Variants in TRA2A observed in about 807,000 individuals in gnomAD.
TRA2A encodes the protein transformer 2 alpha homolog, also known as transformer-2 protein homolog alpha.
A neutral mutation model predicts 45.7 loss-of-function variants in TRA2A; 31 were observed. The ratio of observed to expected loss-of-function variants is 0.68; its 90% CI spans 0.51 to 0.92. TRA2A has a LOEUF of 0.92. Among genes scored for constraint, TRA2A ranks in the 40% least tolerant of loss-of-function variants. The pLI is 0.00. For synonymous variants in TRA2A, 132 were observed against 126.2 expected (o/e 1.05, Z -0.31); for missense variants, 304 against 367.5 (o/e 0.83, Z 1.41).
At position 23,512,941 on chromosome 7, in the gene TRA2A, G is replaced by T; in HGVS notation, c.478C>A (p.Arg160=). 6.2e-7 allele frequency: 1 copy of T among 1,613,170 alleles called. No homozygotes were observed. The highest frequency in any genetic ancestry group is 8.5e-7 in the Non-Finnish European group (1 of 1,179,806). The part of the protein sequence containing the change: ...VVYDQRTGRS[R]GFAFVYFERI... ...TCAAAATACACAAAAGCAAATCCTC[G>T]AGATCGCCCAGTTCGCTGATCATAA... The change falls in exon 4 of 8, where the codon CGA becomes AGA. Residue 160 remains arginine (R), a synonymous_variant. Transcript: ENST00000297071.
At chr7:23,525,823 T>C (rs966034991) in intron 1 of TRA2A, among the ~76,000 whole-genome samples, 5 of 152,202 alleles carry the variant, frequency 3.3e-5, no homozygotes, top group African/African-American at 1.2e-4. Flanking sequence ...CTCGAACTCC[T>C]GACCTCAAGT....
At chr7:23,516,229 T>TAA in intron 3 of TRA2A, 134 bp downstream of exon 3, 2 of 783,604 alleles carry the variant, frequency 2.6e-6, no homozygotes, top group Non-Finnish European at 4.0e-6. Context: ...CTTTGAAAGC[T>TAA]AAAGCAGCTT....
intron 1 of TRA2A, among the ~76,000 whole-genome samples, chr7:23,524,088 A>G (rs1014878166): frequency 1.3e-5 from 2 of 152,264 alleles, no homozygotes; most frequent in African/African-American, 4.8e-5. Context: ...AGTAAACAAG[A>G]TAATTCAGTA....
intron 1 of TRA2A, among the ~76,000 whole-genome samples, chr7:23,523,377 G>C (rs939832230): frequency 1.1e-4 from 16 of 151,982 alleles, no homozygotes; most frequent in African/African-American, 3.9e-4. Context: ...ACAGATATGA[G>C]GCACTTATGA....
intron 1 of TRA2A, among the ~76,000 whole-genome samples, chr7:23,528,241 C>T (rs1019826533): frequency 1.3e-5 from 2 of 152,090 alleles, no homozygotes; most frequent in African/African-American, 2.4e-5. Flanking sequence ...AGACGAGTCT[C>T]GCTCTATTGC....
At chr7:23,512,769 T>A (rs1204947825) in intron 4 of TRA2A, 125 bp downstream of exon 4, 6 of 843,864 alleles carry the variant, frequency 7.1e-6, no homozygotes, top group African/African-American at 1.8e-5. Flanking sequence ...CAAGATCCTA[T>A]CTTTAAAAAA....
At chr7:23,514,714 G>C (rs1584121137) in intron 3 of TRA2A, among the ~76,000 whole-genome samples, 2 of 151,960 alleles carry the variant, frequency 1.3e-5, no homozygotes. Context: ...TCCCATCTCA[G>C]CCTCCCAAGT....
intron 1 of TRA2A, among the ~76,000 whole-genome samples, chr7:23,526,013 A>G (rs1399590973): frequency 1.3e-5 from 2 of 152,230 alleles, no homozygotes; most frequent in Non-Finnish European, 2.9e-5. Flanking sequence ...AGTGTAACCA[A>G]TACAAGCTGG....
Position 23,513,058 on chromosome 7 carries a change from G to A in TRA2A, c.361C>T (p.Leu121Phe). The change falls in exon 4 of 8, where the codon CTT (leucine) becomes TTT (phenylalanine). Residue 121 changes from leucine to phenylalanine, a missense_variant. Physicochemically the swap from Leu to Phe is conservative, Grantham distance 22 (BLOSUM62 0). Transcript: ENST00000297071. Reference sequence around the variant, plus strand: ...TACAAACTGAGGCCAAACACTCCAAGGCAAGTGTTGGGATCTGGATTTGCC... The same window carrying A: ...TACAAACTGAGGCCAAACACTCCAAAGCAAGTGTTGGGATCTGGATTTGCC... ...SRANPDPNTC[L>F]GVFGLSLYTT... The A allele has an allele frequency of 1.2e-6, 2 of 1,605,774 alleles. No individual in the cohort carries two copies. The highest frequency in any genetic ancestry group is 1.7e-6 in the Non-Finnish European group (2 of 1,176,936).
At chr7:23,514,619 G>C (rs1789774813) in intron 3 of TRA2A, among the ~76,000 whole-genome samples, 1 of 151,384 alleles carries the variant, frequency 6.6e-6, no homozygotes, top group African/African-American at 2.4e-5. Flanking sequence ...TTCTGAGACA[G>C]GGCCTCACTC....
At chr7:23,516,062 T>C (rs1457270297) in intron 3 of TRA2A, among the ~76,000 whole-genome samples, 1 of 151,868 alleles carries the variant, frequency 6.6e-6, no homozygotes, top group Non-Finnish European at 1.5e-5. Context: ...ACCCCAGCTA[T>C]TCAGGAGGCT....
rs1168761481 is a variant in TRA2A at position 23,507,494 on chromosome 7, T to A, written c.567A>T (p.Arg189Ser). 1.2e-6 allele frequency: 2 copies of A among 1,614,188 alleles called. No individual in the cohort carries two copies. Among genetic ancestry groups the A allele is most frequent in the Non-Finnish European group, 8.5e-7 (1 of 1,180,046 alleles). ...TGGTTATAGAATAATCCACCCGAAT[T>A]CTTCTACCATCCAGCTCCATTCCAT... is the stretch of plus-strand genomic sequence containing the variant. ...RANGMELDGRRIRVDYSITKR... is the reference protein window; with the variant it reads ...RANGMELDGRSIRVDYSITKR... The change falls in exon 5 of 8, where the codon AGA becomes AGT. Residue 189 changes from arginine (R) to serine (S), a missense_variant. Physicochemically the swap from Arg to Ser is moderately radical, Grantham distance 110. Around this residue, in one of 3 missense-constraint regions of TRA2A, gnomAD observed 130 missense variants for 217.1 expected, o/e 0.60. Transcript: ENST00000297071.
chr7:23,527,416 T>C (rs547561648), intron 1 of TRA2A, among the ~76,000 whole-genome samples: 2 of 152,344 alleles, frequency 1.3e-5, no homozygotes, highest in Non-Finnish European at 2.9e-5. Flanking sequence ...CATGCCTGTC[T>C]TGCTAAATTT....
At chr7:23,517,378 C>T (rs553282074) in intron 2 of TRA2A, among the ~76,000 whole-genome samples, 1 of 144,584 alleles carries the variant, frequency 6.9e-6, no homozygotes, top group African/African-American at 2.6e-5. Flanking sequence ...ACTTGGGAGG[C>T]TGAGGCAGGA....
rs757311590 is a variant in TRA2A, at chr7:23,516,541, T to G, written c.171-13A>C. On this transcript the variant is annotated splice_polypyrimidine_tract_variant and intron_variant, in intron 2 of 7. Transcript: ENST00000297071. ...CCTTGACCTCGACCTTTGAGAGAAATACATTTAGGTAAAAATACTGAAACA... is the reference window on the plus strand; with the variant it reads ...CCTTGACCTCGACCTTTGAGAGAAAGACATTTAGGTAAAAATACTGAAACA... The G allele has an allele frequency of 5.6e-6, 9 of 1,612,928 alleles. No individual in the cohort carries two copies. The highest frequency in any genetic ancestry group is 7.6e-6 in the Non-Finnish European group (9 of 1,179,244).
intron 1 of TRA2A, chr7:23,522,468 C>T (rs1247515437): frequency 6.7e-6 from 7 of 1,047,496 alleles, no homozygotes; most frequent in Non-Finnish European, 6.1e-6. Flanking sequence ...TATTTAAGCA[C>T]GTGGGGATTA....
intron 2 of TRA2A, among the ~76,000 whole-genome samples, chr7:23,517,886 TG>T (rs1789959045): frequency 6.7e-6 from 1 of 150,006 alleles, no homozygotes; most frequent in South Asian, 2.2e-4. Flanking sequence ...CACTCCAGCC[TG>T]GGAACAAGCA....
At position 23,505,384 on chromosome 7, in the gene TRA2A, T is replaced by G. The variant is rs1165315313; in HGVS notation, c.*175A>C. On this transcript the variant is annotated 3_prime_UTR_variant, in exon 8 of 8. Coordinates refer to ENST00000297071, the MANE Select transcript of TRA2A (RefSeq NM_013293.5). ...TGACAACAATTACATCTTTTAAGAG[T>G]ATAATAAAATGGGTGGAAAACAGCA... The G allele has an allele frequency of 2.2e-6, 1 of 458,364 alleles. No homozygotes were observed. Among genetic ancestry groups the G allele is most frequent in the Non-Finnish European group, 3.8e-6 (1 of 260,444 alleles). 28.4% of individuals were successfully genotyped at this position (458,364 alleles called of 1,614,324 possible).
Position 23,525,113 on chromosome 7 carries a change from A to G in TRA2A, c.37-3273T>C, listed in dbSNP as rs141667784. On this transcript the variant is annotated intron_variant, in intron 1 of 7. Transcript: ENST00000297071. ...TTTAGAAATAAAGTAACATTTCTCA[A>G]AAGCTGTTACCAAATAAATGTCACT... is the stretch of plus-strand genomic sequence containing the variant. Among the ~76,000 whole-genome samples, 797 of 152,346 alleles carry G rather than the reference A, an allele frequency of 5.2e-3. 4 individuals carry two copies. Among genetic ancestry groups the G allele is most frequent in the African/African-American group, 0.018 (754 of 41,588 alleles).
Sources: allele counts gnomAD v4.1 joint callset (sites outside exome capture counted in the v4.1 genomes callset), GRCh38; gene constraint gnomAD v4.1.1; regional missense constraint gnomAD v4.1.1; transcripts MANE v1.5; gene names NCBI Gene and HGNC (gene_info 2026-07-23, HGNC 2026-07-21).